The following DLGAP2 variants were observed in gnomAD, a reference collection of about 807,000 sequenced individuals.
The protein encoded by DLGAP2 is disks large-associated protein 2.
DLGAP2 carries 26 observed loss-of-function variants against 100.3 expected under a neutral mutation model. That is an observed-to-expected ratio of 0.26 (90% CI 0.19 to 0.36). The LOEUF (loss-of-function observed/expected upper bound fraction) is 0.36. DLGAP2 is among the 10% of genes least tolerant of loss of function. DLGAP2 has a pLI of 1.00. For missense variants in DLGAP2, 1,858 were observed against 1,453.2 expected (o/e 1.28, Z -4.53); for synonymous variants, 886 against 630.1 (o/e 1.41, Z -6.08).
At chr8:740,784 C>T (rs1383030424) in intron 1 of DLGAP2, among the ~76,000 whole-genome samples, 2 of 152,186 alleles carry the variant, frequency 1.3e-5, no homozygotes, top group Non-Finnish European at 2.9e-5. Flanking sequence ...CATGACTCCT[C>T]AGTTATCCAA....
intron 2 of DLGAP2, among the ~76,000 whole-genome samples, chr8:966,531 A>G (rs1799875890): frequency 6.6e-6 from 1 of 152,154 alleles, no homozygotes; most frequent in African/African-American, 2.4e-5. Flanking sequence ...CTTTTTTTTA[A>G]AAGTTTTTAA....
Position 1,548,911 on chromosome 8 carries a change from G to A in DLGAP2, c.458G>A (p.Gly153Asp), listed in dbSNP as rs773858958. ...SECVMMPVVL[G>D]DHVSSSTFPR... is the part of the protein sequence containing the mutation. ...TGCGTGATGATGCCGGTGGTGCTGG[G>A]CGACCACGTGTCCAGCAGCACCTTC... The change falls in exon 5 of 15, where the codon GGC (glycine) becomes GAC (aspartate). Residue 153 changes from glycine (G) to aspartate (D), a missense_variant. By Grantham distance (94) the Gly-to-Asp change is moderately conservative (BLOSUM62 -1). Coordinates refer to ENST00000637795, the MANE Select transcript of DLGAP2 (RefSeq NM_001346810.2). 6.3e-7 allele frequency: 1 copy of A among 1,597,868 alleles called. No individual in the cohort carries two copies. Among genetic ancestry groups the A allele is most frequent in the East Asian group, 2.2e-5 (1 of 44,804 alleles).
intron 2 of DLGAP2, among the ~76,000 whole-genome samples, chr8:1,092,283 C>G (rs561334589): frequency 6.6e-6 from 1 of 152,372 alleles, no homozygotes; most frequent in African/African-American, 2.4e-5. Flanking sequence ...GGCATTTCCA[C>G]TGTGCCGGGC....
intron 3 of DLGAP2, among the ~76,000 whole-genome samples, chr8:1,261,900 A>T (rs77528556): frequency 0.032 from 4,882 of 152,286 alleles, 121 homozygotes; most frequent in South Asian, 0.092. Flanking sequence ...CACAGAAATG[A>T]CCAGCCAGAG....
At chr8:1,569,180 A>AT (rs201806910) in intron 6 of DLGAP2, among the ~76,000 whole-genome samples, 3 of 138,752 alleles carry the variant, frequency 2.2e-5, no homozygotes, top group African/African-American at 8.2e-5. Flanking sequence ...ACACAAATCC[A>AT]CTCTGCCTAT....
At chr8:1,137,787 A>C (rs7003264) in intron 2 of DLGAP2, 142,473 of 152,294 alleles carry the variant, frequency 0.94, 66,756 homozygotes, top group African/African-American at 0.98. Context: ...GTTCCCAGCT[A>C]TCTCTTTTTA....
chr8:1,322,888 C>G (rs1277949171), intron 3 of DLGAP2, among the ~76,000 whole-genome samples: 1 of 152,154 alleles, frequency 6.6e-6, no homozygotes, highest in African/African-American at 2.4e-5. Context: ...TTATTATAAT[C>G]ATTGTGTACT....
At chr8:1,003,939 C>T (rs1473650999) in intron 2 of DLGAP2, among the ~76,000 whole-genome samples, 1 of 152,078 alleles carries the variant, frequency 6.6e-6, no homozygotes, top group African/African-American at 2.4e-5. Flanking sequence ...TTGGTGTCCC[C>T]CTCCCAAAAG....
At chr8:1,386,960 C>G (rs1298736388) in intron 3 of DLGAP2, among the ~76,000 whole-genome samples, 1 of 152,094 alleles carries the variant, frequency 6.6e-6, no homozygotes. Context: ...ATAATAATAG[C>G]TCATTATGCA....
intron 2 of DLGAP2, among the ~76,000 whole-genome samples, chr8:1,076,820 GCCC>G (rs36040745): frequency 6.8e-6 from 1 of 147,122 alleles, no homozygotes; most frequent in African/African-American, 2.5e-5. Flanking sequence ...TCTGTCCCAG[GCCC>G]CCCCCCAAGA....
chr8:1,192,349 A>C (rs755909911), intron 2 of DLGAP2, among the ~76,000 whole-genome samples: 2 of 152,224 alleles, frequency 1.3e-5, no homozygotes, highest in South Asian at 2.1e-4. Context: ...TTGCATTGTG[A>C]ATACCTTGCG....
intron 2 of DLGAP2, among the ~76,000 whole-genome samples, chr8:1,240,190 A>G (rs1798755269): frequency 7.3e-6 from 1 of 137,254 alleles, no homozygotes; most frequent in Non-Finnish European, 1.5e-5. Flanking sequence ...CACACAGAGT[A>G]TCGTGTCTAG....
rs544902908 is a variant in DLGAP2, at chr8:1,535,755, T to G, written c.173-12871T>G. Among the ~76,000 whole-genome samples, 12 of 152,354 alleles carry G rather than the reference T, an allele frequency of 7.9e-5. No individual in the cohort carries two copies. The East Asian group carries it at 2.3e-3, about 29-fold the overall frequency. On this transcript the variant is annotated intron_variant, in intron 4 of 14. Transcript: ENST00000637795. ...GTGAGCTCTGAGCAGAATTCTCACATATCTCCACTTAGGACACATTGTTGA... is the reference window on the plus strand; with the variant it reads ...GTGAGCTCTGAGCAGAATTCTCACAGATCTCCACTTAGGACACATTGTTGA...
At chr8:1,107,879 G>C (rs765919189) in intron 2 of DLGAP2, among the ~76,000 whole-genome samples, 5 of 152,118 alleles carry the variant, frequency 3.3e-5, no homozygotes, top group African/African-American at 4.8e-5. Flanking sequence ...TCTATAGCTC[G>C]GGGAGCACGA....
intron 1 of DLGAP2, among the ~76,000 whole-genome samples, chr8:894,800 C>T (rs1301986972): frequency 3.0e-5 from 1 of 32,970 alleles, no homozygotes. Flanking sequence ...GTGGGGACAG[C>T]AGAGTGGTGG....
At position 1,434,466 on chromosome 8, in the gene DLGAP2, C is replaced by T. The variant is rs139080366; in HGVS notation, c.107-66900C>T. Among the ~76,000 whole-genome samples, 430 of 151,252 alleles carry T rather than the reference C, an allele frequency of 2.8e-3. 1 individual carries two copies. The highest frequency in any genetic ancestry group is 9.7e-3 in the African/African-American group (402 of 41,500). ...TCACTGAGCTACCTCCCGGGAGTGTCAGCATTTTGGGTTTTGGGTTTTTTT... is the reference window on the plus strand; with the variant it reads ...TCACTGAGCTACCTCCCGGGAGTGTTAGCATTTTGGGTTTTGGGTTTTTTT... On this transcript the variant is annotated intron_variant, in intron 3 of 14. Coordinates refer to ENST00000637795, the MANE Select transcript of DLGAP2 (RefSeq NM_001346810.2).
At chr8:792,359 C>T (rs909639609) in intron 1 of DLGAP2, among the ~76,000 whole-genome samples, 8 of 152,082 alleles carry the variant, frequency 5.3e-5, no homozygotes, top group African/African-American at 1.9e-4. Flanking sequence ...TTATTTTTCC[C>T]TTCCTAATAT....
intron 2 of DLGAP2, among the ~76,000 whole-genome samples, chr8:994,626 G>T (rs556311906): frequency 1.3e-5 from 2 of 152,268 alleles, no homozygotes; most frequent in South Asian, 4.2e-4. Flanking sequence ...GGGAGGGCTT[G>T]GGATGGATGC....
At chr8:1,287,168 G>GCA (rs1799942254) in intron 3 of DLGAP2, among the ~76,000 whole-genome samples, 1 of 137,640 alleles carries the variant, frequency 7.3e-6, no homozygotes, top group African/African-American at 2.6e-5. Context: ...GCGCGCGCGC[G>GCA]CGTGGTTCTG....
Sources: gnomAD v4.1 joint callset for allele counts (sites outside exome capture counted in the v4.1 genomes callset) on GRCh38, gnomAD v4.1.1 for gene constraint, MANE v1.5 for transcripts, NCBI Gene and HGNC (gene_info 2026-07-23, HGNC 2026-07-21) for gene names.